MPZL1: variants seen among roughly 807,000 people sequenced by gnomAD.
MPZL1 encodes myelin protein zero-like protein 1.
A neutral mutation model predicts 29.3 loss-of-function variants in MPZL1; 16 were observed. The observed-to-expected ratio is 0.55, with a 90% CI of 0.37 to 0.83. The LOEUF is 0.83. Ranked by LOEUF, MPZL1 falls within the 40% of genes least tolerant of loss-of-function variation. The pLI is 0.00. For synonymous variants in MPZL1, 143 were observed against 132.0 expected, an observed-to-expected ratio of 1.08 and a Z score of -0.57; for missense variants, 279 against 332.9, an observed-to-expected ratio of 0.84 and a Z score of 1.26.
At chr1:167,772,046 C>T (rs1661262416) in intron 2 of MPZL1, among the ~76,000 whole-genome samples, 1 of 152,068 alleles carries the variant, frequency 6.6e-6, no homozygotes, top group South Asian at 2.1e-4. Flanking sequence ...TCACAGGAGC[C>T]CGAGGCAGGG....
At chr1:167,773,400 G>A in intron 4 of MPZL1, 32 bp downstream of exon 4, 1 of 1,593,498 alleles carries the variant, frequency 6.3e-7, no homozygotes, top group South Asian at 1.1e-5. Flanking sequence ...GGGCAGGGGT[G>A]GAGGGAGGGA....
At chr1:167,759,058 G>A (rs1259280515) in intron 1 of MPZL1, among the ~76,000 whole-genome samples, 1 of 152,048 alleles carries the variant, frequency 6.6e-6, no homozygotes, top group East Asian at 1.9e-4. Flanking sequence ...GTTTTATTCA[G>A]GAATCAACAG....
intron 1 of MPZL1, among the ~76,000 whole-genome samples, chr1:167,726,150 A>G (rs1411470965): frequency 1.3e-5 from 2 of 152,076 alleles, no homozygotes. Context: ...TTCAAGCCAC[A>G]CTGCCATCTT....
At chr1:167,740,060 G>A (rs1660485084) in intron 1 of MPZL1, among the ~76,000 whole-genome samples, 1 of 152,094 alleles carries the variant, frequency 6.6e-6, no homozygotes, top group Non-Finnish European at 1.5e-5. Flanking sequence ...GCCCTTCTGT[G>A]CCATCATTGC....
chr1:167,741,764 G>A (rs566620899), intron 1 of MPZL1, among the ~76,000 whole-genome samples: 106 of 152,228 alleles, frequency 7.0e-4, no homozygotes, highest in South Asian at 2.1e-3. Context: ...TGGGCACTGT[G>A]GCTCATGCCG....
chr1:167,730,148 C>T (rs918654271), intron 1 of MPZL1, among the ~76,000 whole-genome samples: 1 of 152,190 alleles, frequency 6.6e-6, no homozygotes, highest in East Asian at 1.9e-4. Context: ...ATGCTGCTGA[C>T]TCTGTTAAAG....
intron 2 of MPZL1, among the ~76,000 whole-genome samples, chr1:167,768,926 T>G (rs1248831542): frequency 6.6e-6 from 1 of 152,202 alleles, no homozygotes; most frequent in African/African-American, 2.4e-5. Context: ...TTTGCAAAGC[T>G]GAGAGTTTAT....
At chr1:167,761,280 ATATG>A (rs1156944304) in intron 1 of MPZL1, among the ~76,000 whole-genome samples, 2 of 152,168 alleles carry the variant, frequency 1.3e-5, no homozygotes, top group Admixed American at 6.5e-5. Flanking sequence ...ATAAATATAA[ATATG>A]TATGTTTATA....
At chr1:167,760,933 A>T (rs187697087) in intron 1 of MPZL1, among the ~76,000 whole-genome samples, 2 of 152,164 alleles carry the variant, frequency 1.3e-5, no homozygotes, top group South Asian at 2.1e-4. Context: ...CAATGAGATA[A>T]GAGAATCAAG....
At chr1:167,748,556 TTC>T (rs1238750875) in intron 1 of MPZL1, among the ~76,000 whole-genome samples, 3 of 152,212 alleles carry the variant, frequency 2.0e-5, no homozygotes, top group Non-Finnish European at 4.4e-5. Context: ...TGCAAATATT[TTC>T]TCTCATTCTG....
chr1:167,779,111 G>C (rs1207323606), intron 5 of MPZL1, among the ~76,000 whole-genome samples: 2 of 151,562 alleles, frequency 1.3e-5, no homozygotes, highest in East Asian at 3.9e-4. Flanking sequence ...AACAGAGCGA[G>C]ACTCTGTCTC....
chr1:167,734,249 C>G (rs1219049779), intron 1 of MPZL1, among the ~76,000 whole-genome samples: 5 of 145,438 alleles, frequency 3.4e-5, no homozygotes, highest in African/African-American at 1.0e-4. Context: ...GAGCGAGACT[C>G]CATCTCAAAA....
chr1:167,723,483 G>GA (rs532951087), intron 1 of MPZL1, among the ~76,000 whole-genome samples: 251 of 152,238 alleles, frequency 1.6e-3, no homozygotes, highest in Admixed American at 2.5e-3. Flanking sequence ...TTTTGTCTTA[G>GA]AAAAAAAGGT....
intron 2 of MPZL1, among the ~76,000 whole-genome samples, chr1:167,766,372 AACTG>A (rs1264990650): frequency 6.6e-6 from 1 of 152,192 alleles, no homozygotes; most frequent in Non-Finnish European, 1.5e-5. Context: ...ATTAAACATG[AACTG>A]ACTATCTTGG....
intron 2 of MPZL1, among the ~76,000 whole-genome samples, chr1:167,771,183 G>A (rs4657708): frequency 0.036 from 5,421 of 152,174 alleles, 141 homozygotes; most frequent in Middle Eastern, 0.1. Context: ...AGATTAGGGA[G>A]TGGTGATGAC....
chr1:167,758,367 A>G (rs115062122), intron 1 of MPZL1, among the ~76,000 whole-genome samples: 105 of 152,270 alleles, frequency 6.9e-4, no homozygotes, highest in Middle Eastern at 3.4e-3. Flanking sequence ...TTGGAGTAAG[A>G]TCATCTCGGC....
In MPZL1 at chr1:167,772,398, A is replaced by T; in HGVS notation, c.382A>T (p.Ile128Leu). ...ASINIENMQF[I>L]HNGTYICDVK... ...AATCAACATAGAAAATATGCAGTTT[A>T]TACACAATGGCACCTATATCTGTGA... Residue 128 changes from isoleucine to leucine, a missense_variant, in exon 3 of 6, where the codon ATA becomes TTA. Physicochemically the swap from Ile to Leu is conservative, Grantham distance 5. Transcript: ENST00000359523. 1.2e-6 allele frequency: 2 copies of T among 1,614,116 alleles called. No homozygotes were observed. Among genetic ancestry groups the T allele is most frequent in the Non-Finnish European group, 1.7e-6 (2 of 1,179,952 alleles).
chr1:167,752,311 G>T (rs1474443944), intron 1 of MPZL1, among the ~76,000 whole-genome samples: 1 of 152,074 alleles, frequency 6.6e-6, no homozygotes, highest in Non-Finnish European at 1.5e-5. Context: ...CAGGGGGATG[G>T]TTTAGTAGGA....
intron 1 of MPZL1, among the ~76,000 whole-genome samples, chr1:167,738,478 T>A (rs1434278407): frequency 6.6e-6 from 1 of 152,202 alleles, no homozygotes; most frequent in Non-Finnish European, 1.5e-5. Context: ...TTTTTCCTAC[T>A]ATTTATAGCT....
Sources: allele counts gnomAD v4.1 joint callset (sites outside exome capture counted in the v4.1 genomes callset), GRCh38; gene constraint gnomAD v4.1.1; transcripts MANE v1.5; gene names NCBI Gene and HGNC (gene_info 2026-07-23, HGNC 2026-07-21).